The following CPNE4 variants were observed in gnomAD, a reference collection of about 807,000 sequenced individuals.
CPNE4 encodes the protein copine 4, also known as copine-4.
A neutral mutation model predicts 67.9 loss-of-function variants in CPNE4; 25 were observed. The observed-to-expected ratio is 0.37, with a 90% CI of 0.27 to 0.51. CPNE4 has a LOEUF of 0.51. Ranked by LOEUF, CPNE4 falls within the 20% of genes least tolerant of loss-of-function variation. The probability of loss-of-function intolerance (pLI) is 0.93; values close to 1 mark genes in which losing one functional copy is unlikely to be tolerated. For synonymous variants in CPNE4, 242 were observed against 244.9 expected, an observed-to-expected ratio of 0.99 and a Z score of 0.11; for missense variants, 464 against 690.8, an observed-to-expected ratio of 0.67 and a Z score of 3.68.
At chr3:131,611,495 G>C (rs1939838874) in intron 7 of CPNE4, among the ~76,000 whole-genome samples, 1 of 152,116 alleles carries the variant, frequency 6.6e-6, no homozygotes, top group Admixed American at 6.6e-5. Context: ...GCTCTTGGCT[G>C]TTTAGATCTA....
At chr3:131,926,676 T>C (rs1307903290) in intron 1 of CPNE4, among the ~76,000 whole-genome samples, 1 of 152,156 alleles carries the variant, frequency 6.6e-6, no homozygotes, top group African/African-American at 2.4e-5. Context: ...TTAAAGTTGG[T>C]ACCTGCAAAC....
At chr3:132,018,618 C>A (rs1186732632) in intron 1 of CPNE4, among the ~76,000 whole-genome samples, 2 of 152,156 alleles carry the variant, frequency 1.3e-5, no homozygotes, top group Admixed American at 6.5e-5. Context: ...TAGGAAAGAC[C>A]ATTTAAACTT....
At chr3:131,816,565 C>T (rs563125098) in intron 2 of CPNE4, among the ~76,000 whole-genome samples, 70 of 152,214 alleles carry the variant, frequency 4.6e-4, no homozygotes, top group African/African-American at 1.5e-3. Context: ...AGGATTGAAA[C>T]GGAATCAACT....
intron 7 of CPNE4, among the ~76,000 whole-genome samples, chr3:131,645,556 AG>A (rs773229444): frequency 1.3e-5 from 2 of 152,242 alleles, no homozygotes; most frequent in Non-Finnish European, 2.9e-5. Flanking sequence ...GGTCCAGAGA[AG>A]TAAAGTATTT....
intron 1 of CPNE4, among the ~76,000 whole-genome samples, chr3:131,926,576 T>G (rs2107820494): frequency 6.6e-6 from 1 of 152,206 alleles, no homozygotes; most frequent in South Asian, 2.1e-4. Flanking sequence ...AAATGAAAAC[T>G]TATATCCCTG....
chr3:131,790,016 A>G (rs1227753927), intron 2 of CPNE4, among the ~76,000 whole-genome samples: 1 of 152,148 alleles, frequency 6.6e-6, no homozygotes, highest in African/African-American at 2.4e-5. Context: ...CAGATCATTT[A>G]GTGGACATTG....
chr3:131,793,111 G>A (rs1362379194), intron 2 of CPNE4, among the ~76,000 whole-genome samples: 4 of 151,882 alleles, frequency 2.6e-5, no homozygotes, highest in Admixed American at 1.3e-4. Flanking sequence ...CAATCCATCA[G>A]CAAATAAACA....
At chr3:132,006,575 T>C (rs1402521290) in intron 1 of CPNE4, among the ~76,000 whole-genome samples, 1 of 152,058 alleles carries the variant, frequency 6.6e-6, no homozygotes, top group East Asian at 1.9e-4. Context: ...CAACTCGAAA[T>C]CTTCTGTTGC....
At chr3:131,839,162 G>A (rs2085676135) in intron 2 of CPNE4, among the ~76,000 whole-genome samples, 1 of 151,772 alleles carries the variant, frequency 6.6e-6, no homozygotes, top group African/African-American at 2.4e-5. Context: ...TGTGTGCAAT[G>A]CTGCCCTCCA....
intron 1 of CPNE4, among the ~76,000 whole-genome samples, chr3:131,943,080 T>C (rs1020932728): frequency 6.6e-6 from 1 of 152,148 alleles, no homozygotes; most frequent in Non-Finnish European, 1.5e-5. Flanking sequence ...TTTACAAAAG[T>C]AATAAAGTGG....
At position 131,557,707 on chromosome 3, in the gene CPNE4, T is replaced by TATAG. The variant is rs577551358; in HGVS notation, c.1062-2160_1062-2157dup. Reference sequence around the variant, plus strand: ...TCACAACAGCTTATGAAGGATTAGCTATAGATAGGAGAAAATATACTTCTG... The same window carrying TATAG: ...TCACAACAGCTTATGAAGGATTAGCTATAGATAGATAGGAGAAAATATACTTCTG... On this transcript the variant is annotated intron_variant, in intron 11 of 15. Coordinates refer to ENST00000429747, the MANE Select transcript of CPNE4 (RefSeq NM_130808.3). 9.2e-5 allele frequency among the ~76,000 whole-genome samples: 14 copies of TATAG among 152,168 alleles called. No homozygotes were observed. In the East Asian group the frequency reaches 2.7e-3, roughly 30 times the overall value.
intron 2 of CPNE4, among the ~76,000 whole-genome samples, chr3:131,861,483 T>A (rs1205525090): frequency 6.8e-6 from 1 of 148,072 alleles, no homozygotes; most frequent in Non-Finnish European, 1.5e-5. Flanking sequence ...CAGGCTGGAG[T>A]GCAATGGCAC....
At chr3:131,829,947 C>A (rs1346154087) in intron 2 of CPNE4, among the ~76,000 whole-genome samples, 1 of 152,140 alleles carries the variant, frequency 6.6e-6, no homozygotes, top group Non-Finnish European at 1.5e-5. Context: ...TACACAAACA[C>A]CTTCAAAAGT....
chr3:131,995,775 T>C (rs892355320), intron 1 of CPNE4, among the ~76,000 whole-genome samples: 1 of 152,174 alleles, frequency 6.6e-6, no homozygotes, highest in Non-Finnish European at 1.5e-5. Context: ...TACTCAAGTC[T>C]CACAAGTCTA....
chr3:131,562,433 CAG>C (rs1936821758), intron 11 of CPNE4, among the ~76,000 whole-genome samples: 1 of 152,002 alleles, frequency 6.6e-6, no homozygotes, highest in South Asian at 2.1e-4. Flanking sequence ...CCCGCAGATT[CAG>C]AGTTAACTTT....
At chr3:132,010,971 G>C (rs946838942) in intron 1 of CPNE4, among the ~76,000 whole-genome samples, 2 of 152,112 alleles carry the variant, frequency 1.3e-5, no homozygotes, top group Non-Finnish European at 2.9e-5. Context: ...TACCCAACCT[G>C]CACAGACTGT....
intron 1 of CPNE4, among the ~76,000 whole-genome samples, chr3:131,937,756 T>G (rs1176783837): frequency 6.6e-6 from 1 of 152,152 alleles, no homozygotes; most frequent in South Asian, 2.1e-4. Context: ...ATTTCTCATA[T>G]AAAGCATCTG....
chr3:131,745,378 C>T (rs922741957), intron 2 of CPNE4, among the ~76,000 whole-genome samples: 1 of 151,996 alleles, frequency 6.6e-6, no homozygotes, highest in Non-Finnish European at 1.5e-5. Flanking sequence ...TTGTCTTTTC[C>T]TCCTTGTAAA....
At chr3:131,816,078 G>A (rs1056957560) in intron 2 of CPNE4, among the ~76,000 whole-genome samples, 1 of 152,208 alleles carries the variant, frequency 6.6e-6, no homozygotes, top group African/African-American at 2.4e-5. Context: ...AGGCAAGATG[G>A]AGTCAGCTGT....
Sources: allele counts gnomAD v4.1 joint callset (sites outside exome capture counted in the v4.1 genomes callset), GRCh38; gene constraint gnomAD v4.1.1; transcripts MANE v1.5; gene names NCBI Gene and HGNC (gene_info 2026-07-23, HGNC 2026-07-21).